Variants in DENND6A observed in about 807,000 individuals in gnomAD.
The protein encoded by DENND6A is protein DENND6A.
Under a neutral mutation model 95.5 loss-of-function variants are expected in DENND6A, and 43 were observed. The observed-to-expected ratio is 0.45, with a 90% CI of 0.35 to 0.58. The LOEUF (loss-of-function observed/expected upper bound fraction) is 0.58. Ranked by LOEUF, DENND6A falls within the 20% of genes least tolerant of loss-of-function variation. DENND6A has a pLI of 0.00. For synonymous variants in DENND6A, 257 were observed against 260.4 expected, an observed-to-expected ratio of 0.99 and a Z score of 0.13; for missense variants, 574 against 736.0, an observed-to-expected ratio of 0.78 and a Z score of 2.55.
At chr3:57,646,861 C>A (rs564800207) in intron 9 of DENND6A, among the ~76,000 whole-genome samples, 1 of 152,266 alleles carries the variant, frequency 6.6e-6, no homozygotes, top group African/African-American at 2.4e-5. Context: ...AAACCCAATA[C>A]TTCTGACATT....
chr3:57,643,933 G>A (rs990789809), intron 11 of DENND6A, among the ~76,000 whole-genome samples: 8 of 151,494 alleles, frequency 5.3e-5, no homozygotes, highest in Non-Finnish European at 1.2e-4. Context: ...GGCAGATCAC[G>A]AGGTCAGGAG....
intron 11 of DENND6A, 80 bp from the exon 12 acceptor site, chr3:57,641,827 T>G: frequency 8.4e-7 from 1 of 1,191,328 alleles, no homozygotes; most frequent in East Asian, 2.4e-5. Context: ...GTTTACTTTT[T>G]TTTTCAATGA....
intron 1 of DENND6A, among the ~76,000 whole-genome samples, chr3:57,678,281 G>C (rs1350730075): frequency 6.6e-6 from 1 of 152,130 alleles, no homozygotes; most frequent in Non-Finnish European, 1.5e-5. Context: ...GATTCTCCCA[G>C]CACATAAATG....
At chr3:57,628,461 C>A in intron 19 of DENND6A, 116 bp from the exon 20 acceptor site, 1 of 1,363,928 alleles carries the variant, frequency 7.3e-7, no homozygotes, top group East Asian at 2.5e-5. Flanking sequence ...CAGTCTTAGA[C>A]CAGAAATTAC....
intron 10 of DENND6A, 42 bp from the exon 11 acceptor site, chr3:57,645,798 T>G: frequency 6.9e-7 from 1 of 1,440,476 alleles, no homozygotes. Flanking sequence ...GACACAGAAA[T>G]TAAAGGTCCT....
intron 1 of DENND6A, among the ~76,000 whole-genome samples, chr3:57,673,213 CAAAAAA>C (rs386396751): frequency 5.7e-5 from 4 of 70,714 alleles, no homozygotes; most frequent in South Asian, 5.6e-4. Flanking sequence ...CATTTCGTAT[CAAAAAA>C]AAAAAAAAAA....
chr3:57,628,139 C>CT lies in DENND6A; in HGVS notation c.*74dup. 1 of 1,553,666 alleles carries CT rather than the reference C, an allele frequency of 6.4e-7. No homozygotes were observed. The highest frequency in any genetic ancestry group is 8.7e-7 in the Non-Finnish European group (1 of 1,149,418). ...CACTCCGCTGCCACTGAGAGATCTCCTTTGTGCGTCTGGTTGAAATGTCAG... is the reference window on the plus strand; with the variant it reads ...CACTCCGCTGCCACTGAGAGATCTCCTTTTGTGCGTCTGGTTGAAATGTCAG... On this transcript the variant is annotated 3_prime_UTR_variant, in exon 20 of 20. Coordinates refer to ENST00000311128, the MANE Select transcript of DENND6A (RefSeq NM_152678.3).
intron 11 of DENND6A, among the ~76,000 whole-genome samples, chr3:57,643,959 G>A (rs2071008135): frequency 6.6e-6 from 1 of 151,592 alleles, no homozygotes; most frequent in Admixed American, 6.6e-5. Flanking sequence ...GACCAGTCTG[G>A]CCAATATAGT....
chr3:57,682,807 C>T (rs1170802773), intron 1 of DENND6A, among the ~76,000 whole-genome samples: 3 of 152,192 alleles, frequency 2.0e-5, no homozygotes, highest in South Asian at 2.1e-4. Context: ...ACTCAAGTAA[C>T]TGGGATTACA....
chr3:57,673,637 ACT>A (rs2071658409), intron 1 of DENND6A, among the ~76,000 whole-genome samples: 1 of 152,056 alleles, frequency 6.6e-6, no homozygotes, highest in South Asian at 2.1e-4. Flanking sequence ...TATCCCAATA[ACT>A]CTATTTGATC....
At chr3:57,679,079 G>A (rs1460653266) in intron 1 of DENND6A, among the ~76,000 whole-genome samples, 1 of 152,220 alleles carries the variant, frequency 6.6e-6, no homozygotes, top group Non-Finnish European at 1.5e-5. Flanking sequence ...ACTCCACCCT[G>A]GACGACAGAG....
At chr3:57,682,941 G>A (rs1157817942) in intron 1 of DENND6A, among the ~76,000 whole-genome samples, 1 of 152,200 alleles carries the variant, frequency 6.6e-6, no homozygotes, top group African/African-American at 2.4e-5. Flanking sequence ...GCCTCCCAAA[G>A]TGCTGGGACT....
chr3:57,641,790 AGAT>A lies in DENND6A; in HGVS notation c.1038-46_1038-44del, dbSNP rs746607747. On this transcript the variant is annotated intron_variant, in intron 11 of 19. Coordinates refer to ENST00000311128, the MANE Select transcript of DENND6A (RefSeq NM_152678.3). ...AAACAAAATAAAAAAGGTGAGAAAA[AGAT>A]GAATGCTAAATCAGTGAAGAATAGT... 104 of 1,508,432 alleles carry A rather than the reference AGAT, an allele frequency of 6.9e-5. No homozygotes were observed. In the African/African-American group the frequency reaches 1.3e-3, roughly 20 times the overall value. 93.4% of individuals were successfully genotyped at this position (1,508,432 alleles called of 1,614,324 possible).
chr3:57,654,637 A>G, intron 9 of DENND6A: 1 of 985,148 alleles, frequency 1.0e-6, no homozygotes, highest in Non-Finnish European at 1.2e-6. Flanking sequence ...ACTGCCCTTC[A>G]ATTCTAATCT....
intron 18 of DENND6A, among the ~76,000 whole-genome samples, 158 bp from the exon 19 acceptor site, chr3:57,629,043 A>C (rs1178176099): frequency 6.6e-6 from 1 of 152,052 alleles, no homozygotes; most frequent in Admixed American, 6.5e-5. Flanking sequence ...TAATTCTCAT[A>C]ATATTCTAAT....
In DENND6A at chr3:57,627,064, G is replaced by T. The variant is rs918085761; in HGVS notation, c.*1150C>A. 60 of 152,098 alleles carry T rather than the reference G, an allele frequency of 3.9e-4. No homozygotes were observed. Among genetic ancestry groups the T allele is most frequent in the African/African-American group, 1.3e-3 (54 of 41,398 alleles). 9.4% of individuals were successfully genotyped at this position (152,098 alleles called of 1,614,324 possible). On this transcript the variant is annotated 3_prime_UTR_variant, in exon 20 of 20. Transcript: ENST00000311128. ...AGTTTAAAAAAATAGCTGATTATGA[G>T]ATTTATAATTAAAATGTCTTTGAAA...
intron 15 of DENND6A, 184 bp from the exon 16 acceptor site, chr3:57,631,162 A>G (rs546849830): frequency 1.7e-6 from 1 of 580,484 alleles, no homozygotes; most frequent in South Asian, 2.4e-5. Flanking sequence ...GATTTCAAAT[A>G]AAAATTCAAC....
Position 57,626,445 on chromosome 3 carries a change from C to G in DENND6A, c.*1769G>C, listed in dbSNP as rs1387811361. 6.6e-6 allele frequency: 1 copy of G among 152,230 alleles called. No homozygotes were observed. The highest frequency in any genetic ancestry group is 2.4e-5 in the African/African-American group (1 of 41,434). 9.4% of individuals were successfully genotyped at this position (152,230 alleles called of 1,614,324 possible). Reference sequence around the variant, plus strand: ...TGGCTTCTGGCCAGGTGCGGTGGCTCACACCTGTAATCCCAGCACTTTGGG... The same window carrying G: ...TGGCTTCTGGCCAGGTGCGGTGGCTGACACCTGTAATCCCAGCACTTTGGG... On this transcript the variant is annotated 3_prime_UTR_variant, in exon 20 of 20. Transcript: ENST00000311128.
Position 57,659,153 on chromosome 3 carries a change from G to C in DENND6A, c.727C>G (p.Pro243Ala). The C allele has an allele frequency of 1.2e-6, 2 of 1,613,960 alleles. No individual in the cohort carries two copies. Among genetic ancestry groups the C allele is most frequent in the Non-Finnish European group, 1.7e-6 (2 of 1,179,982 alleles). ...KVRIPTCHDK[P>A]GTTQIVQLTQ... ...AACTGCACTATTTGAGTTGTCCCAG[G>C]CTTGTCATGACATGTGGGAATCCGT... The change falls in exon 8 of 20, where the codon CCT (proline) becomes GCT (alanine). Residue 243 changes from proline to alanine, a missense_variant. Pro to Ala is a conservative substitution (Grantham distance 27). Coordinates refer to ENST00000311128, the MANE Select transcript of DENND6A (RefSeq NM_152678.3).
Sources: allele counts gnomAD v4.1 joint callset (sites outside exome capture counted in the v4.1 genomes callset), GRCh38; gene constraint gnomAD v4.1.1; transcripts MANE v1.5; gene names NCBI Gene and HGNC (gene_info 2026-07-23, HGNC 2026-07-21).